Variants in ADGRB3 observed in about 807,000 individuals in gnomAD.
ADGRB3 encodes adhesion G protein-coupled receptor B3.
A neutral mutation model predicts 193.4 loss-of-function variants in ADGRB3; 37 were observed. That is an observed-to-expected ratio of 0.19 (90% CI 0.15 to 0.25). ADGRB3 has a LOEUF of 0.25. Among genes scored for constraint, ADGRB3 ranks in the 10% least tolerant of loss-of-function variants. The pLI is 1.00. For synonymous variants in ADGRB3, 690 were observed against 644.2 expected (o/e 1.07, Z -1.08); for missense variants, 1,637 against 1,852.9 (o/e 0.88, Z 2.14).
intron 17 of ADGRB3, among the ~76,000 whole-genome samples, chr6:69,108,387 G>GCT (rs36055393): frequency 5.1e-5 from 7 of 137,976 alleles, no homozygotes; most frequent in Non-Finnish European, 9.7e-5. Context: ...CAAGCTTCTT[G>GCT]TTTTTTTTTT....
chr6:69,007,398 C>G (rs541985416), intron 11 of ADGRB3, among the ~76,000 whole-genome samples: 1 of 152,094 alleles, frequency 6.6e-6, no homozygotes, highest in South Asian at 2.1e-4. Flanking sequence ...TTTACCTGAC[C>G]CCTGTGTATC....
chr6:69,077,402 C>G (rs1772263095), intron 17 of ADGRB3, among the ~76,000 whole-genome samples: 1 of 151,788 alleles, frequency 6.6e-6, no homozygotes, highest in Admixed American at 6.6e-5. Flanking sequence ...TTTTAGTTTC[C>G]ATATCTCTGT....
chr6:69,245,559 A>G (rs1406642761), intron 20 of ADGRB3, among the ~76,000 whole-genome samples: 2 of 152,090 alleles, frequency 1.3e-5, no homozygotes, highest in East Asian at 3.9e-4. Context: ...CTTTTGTTAT[A>G]CCAGCAAGAC....
intron 3 of ADGRB3, among the ~76,000 whole-genome samples, chr6:68,757,522 G>A (rs149281810): frequency 5.5e-4 from 83 of 151,896 alleles, no homozygotes; most frequent in African/African-American, 1.1e-3. Flanking sequence ...TTTACCTTCC[G>A]TTTTTATTTT....
At chr6:69,050,604 G>C (rs1771364042) in intron 15 of ADGRB3, among the ~76,000 whole-genome samples, 1 of 152,114 alleles carries the variant, frequency 6.6e-6, no homozygotes, top group East Asian at 1.9e-4. Flanking sequence ...TGATGTTGAG[G>C]AGAGGTATGC....
At chr6:69,357,121 GATGCCCA>G (rs1478330364) in intron 28 of ADGRB3, among the ~76,000 whole-genome samples, 1 of 151,872 alleles carries the variant, frequency 6.6e-6, no homozygotes, top group Non-Finnish European at 1.5e-5. Flanking sequence ...TCTGAGGCAC[GATGCCCA>G]AGGTAGCCTC....
intron 17 of ADGRB3, among the ~76,000 whole-genome samples, chr6:69,119,199 G>T (rs1474748783): frequency 6.6e-6 from 1 of 152,172 alleles, no homozygotes; most frequent in East Asian, 1.9e-4. Flanking sequence ...TTTAGGGAGA[G>T]TATTGATGAA....
chr6:68,717,394 A>C (rs1250451324), intron 3 of ADGRB3, among the ~76,000 whole-genome samples: 1 of 151,780 alleles, frequency 6.6e-6, no homozygotes, highest in African/African-American at 2.4e-5. Flanking sequence ...AGAATGTTAC[A>C]TCATAACAAA....
intron 3 of ADGRB3, among the ~76,000 whole-genome samples, chr6:68,640,345 C>G (rs947117236): frequency 8.5e-5 from 13 of 152,204 alleles, no homozygotes; most frequent in Admixed American, 7.2e-4. Flanking sequence ...AGTTTTCACC[C>G]AATCCCCAGT....
intron 3 of ADGRB3, among the ~76,000 whole-genome samples, chr6:68,646,895 T>C (rs920004074): frequency 6.6e-6 from 1 of 152,208 alleles, no homozygotes; most frequent in Non-Finnish European, 1.5e-5. Context: ...CATTTATTTA[T>C]TTACTGATTA....
rs7758581 is a variant in ADGRB3, at chr6:68,936,385, C to T, written c.869-134C>T. 7,127 of 955,524 alleles carry T rather than the reference C, an allele frequency of 7.5e-3. 312 individuals are homozygous for T. In the African/African-American group the frequency reaches 0.1, roughly 14 times the overall value. The allele number at this position is 955,524 out of a possible 1,614,324, so 59.2% of individuals were successfully genotyped here. On this transcript the variant is annotated intron_variant, in intron 4 of 31. Coordinates refer to ENST00000370598, the MANE Select transcript of ADGRB3 (RefSeq NM_001704.3). Reference sequence around the variant, plus strand: ...AACTTCATTTTCTCTGAAATGTTTTCATGTACCTTTTGATGTATGGTCATA... The same window carrying T: ...AACTTCATTTTCTCTGAAATGTTTTTATGTACCTTTTGATGTATGGTCATA...
chr6:69,214,621 T>C (rs968448600), intron 17 of ADGRB3, among the ~76,000 whole-genome samples: 7 of 151,936 alleles, frequency 4.6e-5, no homozygotes, highest in African/African-American at 1.7e-4. Flanking sequence ...AGCAGAGTCT[T>C]GTTGGACTGT....
At chr6:69,228,703 A>G (rs1336247094) in intron 17 of ADGRB3, among the ~76,000 whole-genome samples, 1 of 152,196 alleles carries the variant, frequency 6.6e-6, no homozygotes, top group East Asian at 1.9e-4. Flanking sequence ...TCTTTTTATC[A>G]TAAAATATGT....
chr6:68,890,130 C>G (rs1379627382), intron 3 of ADGRB3, among the ~76,000 whole-genome samples: 1 of 152,106 alleles, frequency 6.6e-6, no homozygotes, highest in Non-Finnish European at 1.5e-5. Context: ...TAATAAAGTA[C>G]CAAGAAAACC....
At chr6:69,058,591 TC>T (rs1248833377) in intron 15 of ADGRB3, among the ~76,000 whole-genome samples, 1 of 152,054 alleles carries the variant, frequency 6.6e-6, no homozygotes, top group Non-Finnish European at 1.5e-5. Context: ...GCTATAAACT[TC>T]CCTCTTAGTA....
intron 5 of ADGRB3, among the ~76,000 whole-genome samples, chr6:68,938,946 TG>T (rs2150249267): frequency 6.6e-6 from 1 of 152,310 alleles, no homozygotes; most frequent in African/African-American, 2.4e-5. Context: ...TTATGGCAAA[TG>T]GATCTCCAAA....
intron 20 of ADGRB3, among the ~76,000 whole-genome samples, chr6:69,278,630 A>C (rs1389379987): frequency 2.6e-5 from 4 of 152,188 alleles, no homozygotes; most frequent in Non-Finnish European, 5.9e-5. Flanking sequence ...CATTACAAGC[A>C]TGTTCAGGCA....
intron 3 of ADGRB3, among the ~76,000 whole-genome samples, chr6:68,750,249 T>C (rs2127346696): frequency 6.6e-6 from 1 of 152,300 alleles, no homozygotes; most frequent in Non-Finnish European, 1.5e-5. Flanking sequence ...TTAGTTTTCT[T>C]GGGATCACTG....
intron 17 of ADGRB3, among the ~76,000 whole-genome samples, chr6:69,200,131 A>T (rs1465489412): frequency 2.7e-5 from 3 of 110,220 alleles, no homozygotes; most frequent in East Asian, 4.0e-4. Flanking sequence ...AGTTTTAATT[A>T]AAAAAAAAAC....
Sources: allele counts gnomAD v4.1 joint callset (sites outside exome capture counted in the v4.1 genomes callset), GRCh38; gene constraint gnomAD v4.1.1; transcripts MANE v1.5; gene names NCBI Gene and HGNC (gene_info 2026-07-23, HGNC 2026-07-21).